The following PCDHGA9 variants were observed in gnomAD, a reference collection of about 807,000 sequenced individuals.
The protein encoded by PCDHGA9 is protocadherin gamma-A9.
Under a neutral mutation model 62.5 loss-of-function variants are expected in PCDHGA9, and 37 were observed. That is an observed-to-expected ratio of 0.59 (90% CI 0.46 to 0.78). The LOEUF (loss-of-function observed/expected upper bound fraction) is 0.78. Among genes scored for constraint, PCDHGA9 ranks in the 30% least tolerant of loss-of-function variants. The pLI is 0.00. For synonymous variants in PCDHGA9, 459 were observed against 484.6 expected, an observed-to-expected ratio of 0.95 and a Z score of 0.69; for missense variants, 1,138 against 1,166.2, an observed-to-expected ratio of 0.98 and a Z score of 0.35.
Position 141,475,063 on chromosome 5 carries a change from C to T in PCDHGA9, c.2425-19744C>T, listed in dbSNP as rs552623067. Among the ~76,000 whole-genome samples the T allele has an allele frequency of 1.1e-4, 16 of 152,320 alleles. No individual in the cohort carries two copies. The South Asian group carries it at 2.9e-3, about 28-fold the overall frequency. The stretch of plus-strand genomic sequence containing the variant: ...TTGTATTTTCTAAAGATTTGTGGAG[C>T]TTTGCTGCCATTATTTCAATAATTT... On this transcript the variant is annotated intron_variant, in intron 1 of 3. Coordinates refer to ENST00000573521, the MANE Select transcript of PCDHGA9 (RefSeq NM_018921.3).
chr5:141,494,537 G>C (rs2099755111), intron 1 of PCDHGA9, among the ~76,000 whole-genome samples: 1 of 152,168 alleles, frequency 6.6e-6, no homozygotes, highest in Non-Finnish European at 1.5e-5. Flanking sequence ...TGGGGGCAGG[G>C]AGGAAGGGGC....
intron 1 of PCDHGA9, among the ~76,000 whole-genome samples, chr5:141,442,702 T>A (rs1301940560): frequency 1.3e-5 from 2 of 152,342 alleles, no homozygotes; most frequent in African/African-American, 4.8e-5. Context: ...GACAAGAGTA[T>A]CAGACATGCC....
At chr5:141,434,070 T>C (rs1004240895) in intron 1 of PCDHGA9, among the ~76,000 whole-genome samples, 3 of 152,226 alleles carry the variant, frequency 2.0e-5, no homozygotes, top group Non-Finnish European at 2.9e-5. Context: ...TCTGTTAATA[T>C]CAATTATTTA....
chr5:141,413,461 C>G (rs1294898087), intron 1 of PCDHGA9: 11 of 1,614,082 alleles, frequency 6.8e-6, no homozygotes, highest in Non-Finnish European at 7.6e-6. Flanking sequence ...CAGGATAGAC[C>G]GGGAGGAGCT....
chr5:141,478,387 C>T, intron 1 of PCDHGA9: 1 of 1,613,642 alleles, frequency 6.2e-7, no homozygotes, highest in Non-Finnish European at 8.5e-7. Context: ...CGCACCTTTA[C>T]CATCAGGTGT....
intron 1 of PCDHGA9, among the ~76,000 whole-genome samples, chr5:141,481,836 G>A (rs1435746995): frequency 2.7e-5 from 4 of 150,638 alleles, no homozygotes; most frequent in Non-Finnish European, 5.9e-5. Context: ...CAGGAGAATC[G>A]CTTGATGGTG....
At chr5:141,457,107 A>G (rs2098908740) in intron 1 of PCDHGA9, among the ~76,000 whole-genome samples, 1 of 152,260 alleles carries the variant, frequency 6.6e-6, no homozygotes, top group African/African-American at 2.4e-5. Flanking sequence ...ATTAAGCAAA[A>G]TACGACAGCA....
rs781229038 is a variant in PCDHGA9, at chr5:141,489,990, A to C, written c.2425-4817A>C. 1.2e-4 allele frequency: 194 copies of C among 1,614,138 alleles called. No individual in the cohort carries two copies. Among genetic ancestry groups the C allele is most frequent in the Non-Finnish European group, 1.6e-4 (188 of 1,180,038 alleles). Reference sequence around the variant, plus strand: ...TCCAATCCTCAGTTCTACGTGTGGGAATCCCAGAGAATGCACCCATTGGTA... The same window carrying C: ...TCCAATCCTCAGTTCTACGTGTGGGCATCCCAGAGAATGCACCCATTGGTA... On this transcript the variant is annotated intron_variant, in intron 1 of 3. Transcript: ENST00000573521. The surrounding 1 kb of genome is among the most constrained non-coding windows in gnomAD (Gnocchi z 4.5).
At position 141,487,025 on chromosome 5, in the gene PCDHGA9, C is replaced by T. The variant is rs769789352; in HGVS notation, c.2425-7782C>T. On this transcript the variant is annotated intron_variant, in intron 1 of 3. Transcript: ENST00000573521. This position sits in a 1 kb window ranked among gnomAD's most constrained non-coding sequence, Gnocchi z 5.0. ...GCTCCTGGAGGCCCCAGATCCCAGCCTGTTTGCAGTCTCTCGATATGCTGG... is the reference window on the plus strand; with the variant it reads ...GCTCCTGGAGGCCCCAGATCCCAGCTTGTTTGCAGTCTCTCGATATGCTGG... 1.9e-6 allele frequency: 3 copies of T among 1,614,216 alleles called. No homozygotes were observed. Among genetic ancestry groups the T allele is most frequent in the Non-Finnish European group, 2.5e-6 (3 of 1,180,050 alleles).
At chr5:141,414,498 C>T (rs2095755127) in intron 1 of PCDHGA9, 1 of 1,613,848 alleles carries the variant, frequency 6.2e-7, no homozygotes, top group African/African-American at 1.3e-5. Flanking sequence ...CGGAAGCTCA[C>T]TTTATGCTAC....
chr5:141,497,573 T>C (rs1231425210), intron 2 of PCDHGA9, among the ~76,000 whole-genome samples: 1 of 149,502 alleles, frequency 6.7e-6, no homozygotes, highest in South Asian at 2.1e-4. Context: ...AGAGTCTTGC[T>C]CTGTTGCCCA....
In PCDHGA9 at chr5:141,511,774, T is replaced by C. The variant is rs1173144009; in HGVS notation, c.*601T>C. 6.2e-6 allele frequency: 1 copy of C among 160,350 alleles called. No homozygotes were observed. The highest frequency in any genetic ancestry group is 1.4e-5 in the Non-Finnish European group (1 of 72,132). The allele number at this position is 160,350 out of a possible 1,614,324, so 9.9% of individuals were successfully genotyped here. A position where few individuals can be genotyped will look rare whatever the true frequency, so the allele number is the denominator to read the frequency against. On this transcript the variant is annotated 3_prime_UTR_variant, in exon 4 of 4. Coordinates refer to ENST00000573521, the MANE Select transcript of PCDHGA9 (RefSeq NM_018921.3). ...ATGATCACCATCCCCATGGTACTGA[T>C]GCTTGCTGGATTTAGGGAGGGCATT...
At chr5:141,463,438 C>CTTTTTTT (rs71576115) in intron 1 of PCDHGA9, among the ~76,000 whole-genome samples, 6 of 103,252 alleles carry the variant, frequency 5.8e-5, no homozygotes, top group African/African-American at 1.3e-4. Flanking sequence ...TTTCCTTCTC[C>CTTTTTTT]TTTTTTTTTT....
chr5:141,417,141 C>T (rs1455831459), intron 1 of PCDHGA9: 1 of 152,018 alleles, frequency 6.6e-6, no homozygotes, highest in Non-Finnish European at 1.5e-5. Context: ...ATGACTAGGG[C>T]AATGGTTGCA....
In PCDHGA9 at chr5:141,509,341, G is replaced by C. The variant is rs552337350; in HGVS notation, c.2573-1606G>C. Among the ~76,000 whole-genome samples, 4 of 152,290 alleles carry C rather than the reference G, an allele frequency of 2.6e-5. No homozygotes were observed. The East Asian group carries it at 7.7e-4, about 29-fold the overall frequency. On this transcript the variant is annotated intron_variant, in intron 3 of 3. Transcript: ENST00000573521. ...GAAGCTCTACTGCCAGCTGGGCCTG[G>C]GCTGGCCTGGGCATCCCTGAGGTTT...
chr5:141,484,426 C>T (rs377504062), intron 1 of PCDHGA9, among the ~76,000 whole-genome samples: 1 of 152,188 alleles, frequency 6.6e-6, no homozygotes, highest in African/African-American at 2.4e-5. Context: ...ACAATGAGAA[C>T]ATGTACTGCA....
intron 1 of PCDHGA9, among the ~76,000 whole-genome samples, chr5:141,460,003 A>AG (rs1177398494): frequency 6.6e-6 from 1 of 152,186 alleles, no homozygotes; most frequent in African/African-American, 2.4e-5. Context: ...GCTTGAACCC[A>AG]GGAGGCGGAG....
At chr5:141,421,774 C>G (rs767599830) in intron 1 of PCDHGA9, 27 of 1,613,772 alleles carry the variant, frequency 1.7e-5, no homozygotes, top group Middle Eastern at 1.6e-4. Context: ...TTCCTTGCAA[C>G]TGCGGGGCAG....
At chr5:141,507,858 AC>A (rs2099864314) in intron 3 of PCDHGA9, among the ~76,000 whole-genome samples, 1 of 151,748 alleles carries the variant, frequency 6.6e-6, no homozygotes, top group African/African-American at 2.4e-5. Flanking sequence ...TCACTTTCAC[AC>A]CCGCTTCCTA....
Sources: allele counts gnomAD v4.1 joint callset (sites outside exome capture counted in the v4.1 genomes callset), GRCh38; gene constraint gnomAD v4.1.1; non-coding constraint Gnocchi (gnomAD v3.1); transcripts MANE v1.5; gene names NCBI Gene and HGNC (gene_info 2026-07-23, HGNC 2026-07-21).